Variants in ANO2 observed in about 807,000 individuals in gnomAD.
The protein encoded by ANO2 is anoctamin 2, also known as anoctamin-2.
A neutral mutation model predicts 124.2 loss-of-function variants in ANO2; 101 were observed. The ratio of observed to expected loss-of-function variants is 0.81; its 90% CI spans 0.69 to 0.96. The LOEUF (loss-of-function observed/expected upper bound fraction) is 0.96. Ranked by LOEUF, ANO2 falls within the 40% of genes least tolerant of loss-of-function variation. The probability of loss-of-function intolerance (pLI) is 0.00; values close to 1 mark genes in which losing one functional copy is unlikely to be tolerated. For synonymous variants in ANO2, 486 were observed against 482.5 expected (o/e 1.01, Z -0.09); for missense variants, 1,293 against 1,274.5 (o/e 1.01, Z -0.22).
intron 10 of ANO2, among the ~76,000 whole-genome samples, chr12:5,785,615 T>A (rs956782103): frequency 6.6e-6 from 1 of 151,962 alleles, no homozygotes; most frequent in African/African-American, 2.4e-5. Flanking sequence ...GAAGGCAGTA[T>A]CCAATGGCAA....
chr12:5,818,985 T>C (rs2159951), intron 7 of ANO2, among the ~76,000 whole-genome samples: 89,434 of 151,970 alleles, frequency 0.59, 26,648 homozygotes, highest in East Asian at 0.7. Flanking sequence ...CAGTCTTATC[T>C]CCTGAAGACA....
chr12:5,807,199 T>C, intron 8 of ANO2, 114 bp downstream of exon 8: 3 of 855,090 alleles, frequency 3.5e-6, no homozygotes, highest in Non-Finnish European at 5.2e-6. Context: ...TTTAATGTCA[T>C]GATTCACTCC....
intron 1 of ANO2, among the ~76,000 whole-genome samples, chr12:5,924,522 C>T (rs1941986623): frequency 6.6e-6 from 1 of 152,134 alleles, no homozygotes; most frequent in South Asian, 2.1e-4. Context: ...GAAGGGCAGG[C>T]GTGGGCACAC....
chr12:5,810,684 A>G (rs935652658), intron 7 of ANO2, among the ~76,000 whole-genome samples: 6 of 152,212 alleles, frequency 3.9e-5, no homozygotes, highest in African/African-American at 1.4e-4. Flanking sequence ...CTCAAAGTAT[A>G]GCCCCTGAGG....
Position 5,615,264 on chromosome 12 carries a change from C to G in ANO2, c.1850G>C (p.Arg617Pro). ...VPKTEQTFEE[R>P]LILKAFLLKF... ...GAGCAAGAAAGCTTTGAGGATCAGG[C>G]GCTCTTCAAAAGTCTGTTCTGTTTT... The change falls in exon 17 of 25, where the codon CGC (arginine) becomes CCC (proline). Residue 617 changes from arginine to proline, a missense_variant. By Grantham distance (103) the Arg-to-Pro change is moderately radical. Coordinates refer to ENST00000682330, the MANE Select transcript of ANO2 (RefSeq NM_001364791.2). 1 of 1,613,520 alleles carries G rather than the reference C, an allele frequency of 6.2e-7. No individual in the cohort carries two copies. The highest frequency in any genetic ancestry group is 8.5e-7 in the Non-Finnish European group (1 of 1,179,708).
chr12:5,809,790 G>A (rs546320111), intron 7 of ANO2, among the ~76,000 whole-genome samples: 5 of 152,284 alleles, frequency 3.3e-5, no homozygotes, highest in Admixed American at 6.5e-5. Flanking sequence ...CCTGACCTGC[G>A]TCAGAGAGCA....
At chr12:5,857,320 T>A (rs1955128604) in intron 3 of ANO2, among the ~76,000 whole-genome samples, 2 of 152,192 alleles carry the variant, frequency 1.3e-5, no homozygotes, top group South Asian at 4.1e-4. Flanking sequence ...TTGTGAATAG[T>A]CCTGCAATAA....
intron 10 of ANO2, among the ~76,000 whole-genome samples, chr12:5,751,920 C>T (rs574345614): frequency 6.6e-6 from 1 of 152,086 alleles, no homozygotes; most frequent in African/African-American, 2.4e-5. Flanking sequence ...CTATTCTATT[C>T]TTTGGATCTA....
At chr12:5,595,555 A>T (rs1262794129) in intron 20 of ANO2, among the ~76,000 whole-genome samples, 1 of 152,090 alleles carries the variant, frequency 6.6e-6, no homozygotes, top group African/African-American at 2.4e-5. Context: ...GAAATGTGCT[A>T]GACTCTGGAG....
intron 14 of ANO2, among the ~76,000 whole-genome samples, chr12:5,725,552 A>C (rs1306590506): frequency 6.6e-6 from 1 of 152,188 alleles, no homozygotes; most frequent in Non-Finnish European, 1.5e-5. Context: ...ACTTTTGGTT[A>C]GGTCTGGCCA....
At chr12:5,646,086 CTGATTT>C (rs1946624907) in intron 15 of ANO2, among the ~76,000 whole-genome samples, 1 of 152,160 alleles carries the variant, frequency 6.6e-6, no homozygotes, top group East Asian at 1.9e-4. Context: ...CTTTGGAGTT[CTGATTT>C]AATTTGGTGA....
intron 14 of ANO2, among the ~76,000 whole-genome samples, chr12:5,726,772 C>T (rs1383859935): frequency 1.3e-5 from 2 of 152,184 alleles, no homozygotes; most frequent in Non-Finnish European, 2.9e-5. Context: ...AGCTAAGTTA[C>T]TACCATATAA....
At chr12:5,669,818 G>A (rs1947902736) in intron 14 of ANO2, among the ~76,000 whole-genome samples, 1 of 152,156 alleles carries the variant, frequency 6.6e-6, no homozygotes, top group Admixed American at 6.5e-5. Flanking sequence ...GTGACTCAGT[G>A]CATATGACTG....
chr12:5,888,871 C>T (rs1436417000), intron 3 of ANO2, among the ~76,000 whole-genome samples: 1 of 152,248 alleles, frequency 6.6e-6, no homozygotes, highest in African/African-American at 2.4e-5. Flanking sequence ...GTGGAGCTGC[C>T]TGCCAGTCCC....
chr12:5,860,100 C>T (rs1422949847), intron 3 of ANO2, among the ~76,000 whole-genome samples: 1 of 152,164 alleles, frequency 6.6e-6, no homozygotes, highest in Non-Finnish European at 1.5e-5. Context: ...GCCCTTCTCA[C>T]TGTCATCTGG....
rs534743521 is a variant in ANO2, at chr12:5,727,907, C to T, written c.1545+4613G>A. Among the ~76,000 whole-genome samples, 609 of 150,946 alleles carry T rather than the reference C, an allele frequency of 4.0e-3. 5 individuals are homozygous for T. The highest frequency in any genetic ancestry group is 6.9e-3 in the Middle Eastern group (2 of 290). On this transcript the variant is annotated intron_variant, in intron 14 of 24. Transcript: ENST00000682330. ...CTGCAAGCTCTGCCTCCCGGGTTCA[C>T]GCCATTCTCCTGCCTCAGCCTCCCA...
rs553568591 is a variant in ANO2, at chr12:5,587,531, G to A, written c.2234-9013C>T. Reference sequence around the variant, plus strand: ...CATGACAGGGCTGTGAGGGGCCTGCGGCAATGGAGCTTTGAAGCCCCATTT... The same window carrying A: ...CATGACAGGGCTGTGAGGGGCCTGCAGCAATGGAGCTTTGAAGCCCCATTT... On this transcript the variant is annotated intron_variant, in intron 20 of 24. Transcript: ENST00000682330. 3.9e-5 allele frequency among the ~76,000 whole-genome samples: 6 copies of A among 152,294 alleles called. No individual in the cohort carries two copies. In the South Asian group the frequency reaches 6.2e-4, roughly 16 times the overall value.
chr12:5,786,849 G>A (rs1050866864), intron 10 of ANO2, among the ~76,000 whole-genome samples: 4 of 152,192 alleles, frequency 2.6e-5, no homozygotes, highest in African/African-American at 4.8e-5. Context: ...TGGGGACCAG[G>A]ATTGTGCCAA....
At chr12:5,768,546 A>G (rs190528544) in intron 10 of ANO2, among the ~76,000 whole-genome samples, 73 of 152,332 alleles carry the variant, frequency 4.8e-4, no homozygotes, top group African/African-American at 1.7e-3. Context: ...CCCACAATTC[A>G]GGAATCATGG....
Sources: allele counts gnomAD v4.1 joint callset (sites outside exome capture counted in the v4.1 genomes callset), GRCh38; gene constraint gnomAD v4.1.1; transcripts MANE v1.5; gene names NCBI Gene and HGNC (gene_info 2026-07-23, HGNC 2026-07-21).